Variants in CDH20 observed in about 807,000 individuals in gnomAD.
CDH20 encodes the protein cadherin 20.
Under a neutral mutation model 74.2 loss-of-function variants are expected in CDH20, and 29 were observed. That is an observed-to-expected ratio of 0.39 (90% CI 0.29 to 0.53). The LOEUF (loss-of-function observed/expected upper bound fraction) is 0.53, where lower values mean the gene tolerates loss of function less well. Among genes scored for constraint, CDH20 ranks in the 20% least tolerant of loss-of-function variants. The pLI, the probability that CDH20 is intolerant of heterozygous loss-of-function variation, is 0.69. For synonymous variants in CDH20, 469 were observed against 405.4 expected, an observed-to-expected ratio of 1.16 and a Z score of -1.88; for missense variants, 988 against 1,048.3, an observed-to-expected ratio of 0.94 and a Z score of 0.79.
chr18:61,536,687 G>A, intron 8 of CDH20, 58 bp downstream of exon 8: 1 of 1,491,674 alleles, frequency 6.7e-7, no homozygotes, highest in Non-Finnish European at 9.2e-7. Flanking sequence ...GTTATAGAAA[G>A]TGGAAGTTTC....
At chr18:61,466,046 C>G (rs1019453482) in intron 1 of CDH20, among the ~76,000 whole-genome samples, 3 of 149,074 alleles carry the variant, frequency 2.0e-5, no homozygotes, top group Non-Finnish European at 2.9e-5. Flanking sequence ...GGCAATAAGG[C>G]AAGACCTTGT....
chr18:61,458,695 A>G (rs1243786450), intron 1 of CDH20, among the ~76,000 whole-genome samples: 2 of 152,240 alleles, frequency 1.3e-5, no homozygotes, highest in Non-Finnish European at 2.9e-5. Context: ...GCTAGATTGC[A>G]CATAAGCATC....
intron 10 of CDH20, among the ~76,000 whole-genome samples, chr18:61,545,422 A>G (rs1473534994): frequency 6.6e-6 from 1 of 151,936 alleles, no homozygotes; most frequent in African/African-American, 2.4e-5. Context: ...AGTGTCTTTT[A>G]AAGTTTTGTT....
intron 1 of CDH20, among the ~76,000 whole-genome samples, chr18:61,357,549 C>T (rs557586519): frequency 5.3e-5 from 8 of 152,232 alleles, no homozygotes; most frequent in South Asian, 2.1e-4. Context: ...AAAATGGCTG[C>T]GTTGTCTCCA....
chr18:61,451,329 A>T (rs892991962), intron 1 of CDH20, among the ~76,000 whole-genome samples: 472 of 152,080 alleles, frequency 3.1e-3, no homozygotes, highest in Middle Eastern at 6.8e-3. Flanking sequence ...AAATTATATA[A>T]AAAAACAAAG....
intron 1 of CDH20, among the ~76,000 whole-genome samples, chr18:61,386,648 T>C (rs1056089717): frequency 2.6e-5 from 4 of 152,214 alleles, no homozygotes; most frequent in African/African-American, 9.6e-5. Context: ...ATATCTAGCA[T>C]TGAAAACAGT....
At chr18:61,529,294 C>T (rs1912557636) in intron 7 of CDH20, among the ~76,000 whole-genome samples, 1 of 152,150 alleles carries the variant, frequency 6.6e-6, no homozygotes, top group African/African-American at 2.4e-5. Flanking sequence ...ATGCCTTTTC[C>T]GTCAGCTGGC....
chr18:61,363,024 C>T lies in CDH20; in HGVS notation c.-153+29197C>T, dbSNP rs144615623. ...GGAGAAGTTGTCTTCTTGCCATCAT[C>T]GTGACTTAAGGGGCAGAAATTAAGG... On this transcript the variant is annotated intron_variant, in intron 1 of 11. Transcript: ENST00000262717. Among the ~76,000 whole-genome samples, 30 of 152,130 alleles carry T rather than the reference C, an allele frequency of 2.0e-4. 1 individual carries two copies. In the East Asian group the frequency reaches 4.6e-3, roughly 24 times the overall value.
At chr18:61,515,455 C>A (rs1178469024) in intron 6 of CDH20, among the ~76,000 whole-genome samples, 2 of 152,104 alleles carry the variant, frequency 1.3e-5, no homozygotes, top group Non-Finnish European at 2.9e-5. Flanking sequence ...AGAAATCACC[C>A]GTCTTCTGCG....
intron 2 of CDH20, among the ~76,000 whole-genome samples, chr18:61,494,576 C>G (rs1483332548): frequency 6.6e-6 from 1 of 152,144 alleles, no homozygotes; most frequent in Non-Finnish European, 1.5e-5. Context: ...CTTTCATTCT[C>G]TTTACCCAGG....
chr18:61,478,836 C>G (rs1348226236), intron 1 of CDH20, among the ~76,000 whole-genome samples: 1 of 152,078 alleles, frequency 6.6e-6, no homozygotes, highest in Non-Finnish European at 1.5e-5. Flanking sequence ...CTTGAAAAAG[C>G]TTTAGAATTT....
chr18:61,553,699 T>A (rs1913516992), intron 11 of CDH20, among the ~76,000 whole-genome samples: 1 of 152,222 alleles, frequency 6.6e-6, no homozygotes, highest in Non-Finnish European at 1.5e-5. Flanking sequence ...AAGATATGAT[T>A]ATATACAGAG....
chr18:61,534,766 G>A (rs949858884), intron 7 of CDH20, among the ~76,000 whole-genome samples: 5 of 152,276 alleles, frequency 3.3e-5, no homozygotes, highest in South Asian at 4.1e-4. Context: ...GAATCAAAAA[G>A]TTCAAAGCTT....
chr18:61,534,522 C>A (rs899355747), intron 7 of CDH20, among the ~76,000 whole-genome samples: 1 of 152,206 alleles, frequency 6.6e-6, no homozygotes, highest in Non-Finnish European at 1.5e-5. Flanking sequence ...ATGTGGCATA[C>A]ATACACAATG....
chr18:61,358,728 A>T (rs999632629), intron 1 of CDH20, among the ~76,000 whole-genome samples: 2 of 152,092 alleles, frequency 1.3e-5, no homozygotes, highest in Non-Finnish European at 2.9e-5. Flanking sequence ...GCTTAATTCT[A>T]TTTGAATTTT....
intron 1 of CDH20, among the ~76,000 whole-genome samples, chr18:61,381,716 T>C (rs937628658): frequency 1.3e-5 from 2 of 152,196 alleles, no homozygotes; most frequent in Admixed American, 1.3e-4. Flanking sequence ...TTCAAGTTGC[T>C]CATTAGGAAC....
In CDH20 at chr18:61,428,444, C is replaced by T. The variant is rs76290949; in HGVS notation, c.-152-61958C>T. Among the ~76,000 whole-genome samples, 1,311 of 152,242 alleles carry T rather than the reference C, an allele frequency of 8.6e-3. 32 individuals carry two copies. In the East Asian group the frequency reaches 0.089, roughly 10 times the overall value. ...CCTTTGATCTGGTTCATTGTGTTGA[C>T]GGCTCCTGCAGTGCAAAAGCGGTAG... is the stretch of plus-strand genomic sequence containing the variant. On this transcript the variant is annotated intron_variant, in intron 1 of 11. Transcript: ENST00000262717.
chr18:61,459,829 C>T (rs987648975), intron 1 of CDH20, among the ~76,000 whole-genome samples: 6 of 152,264 alleles, frequency 3.9e-5, no homozygotes, highest in Non-Finnish European at 8.8e-5. Context: ...TAGGAATACT[C>T]TAATCATTCC....
intron 1 of CDH20, among the ~76,000 whole-genome samples, chr18:61,466,086 CTA>C (rs35791225): frequency 0.014 from 2,027 of 141,932 alleles, 26 homozygotes; most frequent in Middle Eastern, 0.033. Flanking sequence ...TCTCATTAAG[CTA>C]TATATATATA....
Sources: allele counts gnomAD v4.1 joint callset (sites outside exome capture counted in the v4.1 genomes callset), GRCh38; gene constraint gnomAD v4.1.1; transcripts MANE v1.5; gene names NCBI Gene and HGNC (gene_info 2026-07-23, HGNC 2026-07-21).